SP4: variants seen among roughly 807,000 people sequenced by gnomAD.
SP4 encodes the protein Sp4 transcription factor.
SP4 carries 19 observed loss-of-function variants against 72.8 expected under a neutral mutation model. The ratio of observed to expected loss-of-function variants is 0.26; its 90% confidence interval spans 0.18 to 0.38. The LOEUF is 0.38. Ranked by LOEUF, SP4 falls within the 10% of genes least tolerant of loss-of-function variation. The pLI is 1.00. For synonymous variants in SP4, 395 were observed against 333.1 expected (o/e 1.19, Z -2.02); for missense variants, 1,008 against 926.3 (o/e 1.09, Z -1.14).
chr7:21,475,120 GTT>G (rs563629984), intron 3 of SP4, among the ~76,000 whole-genome samples: 1 of 143,300 alleles, frequency 7.0e-6, no homozygotes, highest in Non-Finnish European at 1.5e-5. Flanking sequence ...TTTGTTTTTT[GTT>G]TTTTTTTTTG....
chr7:21,485,140 A>G (rs2128411986), intron 5 of SP4, among the ~76,000 whole-genome samples: 1 of 152,076 alleles, frequency 6.6e-6, no homozygotes, highest in African/African-American at 2.4e-5. Context: ...CTAAAAGAAT[A>G]TGAAAAAATA....
chr7:21,445,964 G>GTC (rs3216226), intron 3 of SP4, among the ~76,000 whole-genome samples: 18,002 of 150,098 alleles, frequency 0.12, 2,337 homozygotes, highest in East Asian at 0.54. Flanking sequence ...ATATGATCGA[G>GTC]TTCATTTTGT....
At chr7:21,467,132 G>A (rs1254651452) in intron 3 of SP4, among the ~76,000 whole-genome samples, 2 of 151,918 alleles carry the variant, frequency 1.3e-5, no homozygotes, top group Non-Finnish European at 2.9e-5. Context: ...GGTCTGTTTT[G>A]TGCATTGTAA....
chr7:21,500,071 C>G (rs1406562351), intron 5 of SP4, among the ~76,000 whole-genome samples: 1 of 151,990 alleles, frequency 6.6e-6, no homozygotes, highest in African/African-American at 2.4e-5. Context: ...TATTTAAATC[C>G]TTTTAAAAGA....
intron 3 of SP4, among the ~76,000 whole-genome samples, chr7:21,444,711 G>C (rs1783367605): frequency 6.6e-6 from 1 of 152,150 alleles, no homozygotes; most frequent in Non-Finnish European, 1.5e-5. Context: ...GAAGGTGGTG[G>C]TGGTGACCTC....
chr7:21,428,582 C>CGGGGGGA, intron 1 of SP4, 95 bp from the exon 2 acceptor site: 1 of 1,255,248 alleles, frequency 8.0e-7, no homozygotes, highest in Non-Finnish European at 1.1e-6. Context: ...GATTAATGTT[C>CGGGGGGA]GGGGGGAGGG....
chr7:21,507,723 CCT>C (rs1782035714), intron 5 of SP4, among the ~76,000 whole-genome samples: 1 of 151,900 alleles, frequency 6.6e-6, no homozygotes, highest in African/African-American at 2.4e-5. Context: ...TCTTTGGCTC[CCT>C]CTTTCCCTTG....
intron 4 of SP4, among the ~76,000 whole-genome samples, chr7:21,478,722 TTG>T (rs1323969899): frequency 6.6e-6 from 1 of 152,194 alleles, no homozygotes; most frequent in African/African-American, 2.4e-5. Context: ...CATTATGGAA[TTG>T]TCTCTTTATA....
At chr7:21,475,388 A>G (rs1784469173) in intron 3 of SP4, among the ~76,000 whole-genome samples, 2 of 152,078 alleles carry the variant, frequency 1.3e-5, no homozygotes, top group African/African-American at 2.4e-5. Context: ...TGCTGGGATT[A>G]CAGGCCTGAG....
chr7:21,434,313 T>C (rs1782974704), intron 3 of SP4, among the ~76,000 whole-genome samples: 1 of 152,160 alleles, frequency 6.6e-6, no homozygotes, highest in Non-Finnish European at 1.5e-5. Context: ...CTAGATGACA[T>C]GAACAGAAAA....
chr7:21,490,462 A>G (rs946797755), intron 5 of SP4, among the ~76,000 whole-genome samples: 11 of 152,338 alleles, frequency 7.2e-5, no homozygotes, highest in Admixed American at 5.2e-4. Context: ...CTGTTTTCCA[A>G]GAAATCTGAG....
At chr7:21,442,151 C>T (rs980070458) in intron 3 of SP4, among the ~76,000 whole-genome samples, 3 of 151,040 alleles carry the variant, frequency 2.0e-5, no homozygotes, top group South Asian at 2.1e-4. Context: ...TGATTCTCCT[C>T]CCTCAGCCTC....
intron 3 of SP4, among the ~76,000 whole-genome samples, chr7:21,446,864 G>A (rs977947587): frequency 6.7e-6 from 1 of 148,318 alleles, no homozygotes; most frequent in Admixed American, 6.8e-5. Context: ...TCCAAAAAAT[G>A]TTTTGACAGA....
intron 3 of SP4, among the ~76,000 whole-genome samples, chr7:21,476,229 G>C (rs969220777): frequency 7.3e-6 from 1 of 136,554 alleles, no homozygotes; most frequent in Admixed American, 7.8e-5. Context: ...AGCCGAGATC[G>C]TGCTACTGCA....
chr7:21,442,561 A>G (rs1416231531), intron 3 of SP4, among the ~76,000 whole-genome samples: 2 of 152,162 alleles, frequency 1.3e-5, no homozygotes, highest in Non-Finnish European at 2.9e-5. Flanking sequence ...AGAATCCCAG[A>G]AGAAGGAAGA....
chr7:21,495,788 G>C (rs1488650670), intron 5 of SP4, among the ~76,000 whole-genome samples: 5 of 151,548 alleles, frequency 3.3e-5, no homozygotes, highest in Non-Finnish European at 5.9e-5. Flanking sequence ...CACAAAAAAA[G>C]CTGTGAGTGT....
intron 4 of SP4, 46 bp downstream of exon 4, chr7:21,477,353 C>A: frequency 7.6e-7 from 1 of 1,322,360 alleles, no homozygotes; most frequent in Non-Finnish European, 1.1e-6. Context: ...AGGCATAAAA[C>A]AGCAGTTAAA....
At chr7:21,498,636 C>G (rs78366682) in intron 5 of SP4, among the ~76,000 whole-genome samples, 1 of 152,106 alleles carries the variant, frequency 6.6e-6, no homozygotes, top group African/African-American at 2.4e-5. Context: ...AGTCAACCCT[C>G]AAGCATTTGA....
intron 3 of SP4, among the ~76,000 whole-genome samples, chr7:21,462,081 A>G (rs913100277): frequency 2.1e-5 from 3 of 143,194 alleles, no homozygotes; most frequent in African/African-American, 5.3e-5. Flanking sequence ...CAGGCAGTGC[A>G]GTGGTGTGAT....
Sources: allele counts gnomAD v4.1 joint callset (sites outside exome capture counted in the v4.1 genomes callset), GRCh38; gene constraint gnomAD v4.1.1; transcripts MANE v1.5; gene names NCBI Gene and HGNC (gene_info 2026-07-23, HGNC 2026-07-21).